The following GRIK1 variants were observed in gnomAD, a reference collection of about 807,000 sequenced individuals.
GRIK1 encodes the protein glutamate receptor ionotropic, kainate 1.
Under a neutral mutation model 105.7 loss-of-function variants are expected in GRIK1, and 69 were observed. The observed-to-expected ratio is 0.65, with a 90% CI of 0.54 to 0.80. The LOEUF (loss-of-function observed/expected upper bound fraction) is 0.80, where lower values mean the gene tolerates loss of function less well. GRIK1 is among the 30% of genes least tolerant of loss of function. GRIK1 has a pLI of 0.00. For synonymous variants in GRIK1, 438 were observed against 431.3 expected (o/e 1.02, Z -0.19); for missense variants, 1,109 against 1,167.3 (o/e 0.95, Z 0.73).
At chr21:29,712,293 T>A (rs1213186461) in intron 1 of GRIK1, among the ~76,000 whole-genome samples, 1 of 152,132 alleles carries the variant, frequency 6.6e-6, no homozygotes, top group African/African-American at 2.4e-5. Context: ...TGCCAGACAT[T>A]ATATTCATTT....
At chr21:29,873,950 G>T (rs568368540) in intron 1 of GRIK1, among the ~76,000 whole-genome samples, 1 of 152,122 alleles carries the variant, frequency 6.6e-6, no homozygotes, top group South Asian at 2.1e-4. Context: ...TTAGATTCTC[G>T]TGAGGGGCGC....
At chr21:29,859,368 G>A (rs533774179) in intron 1 of GRIK1, among the ~76,000 whole-genome samples, 2,573 of 149,784 alleles carry the variant, frequency 0.017, 33 homozygotes, top group Middle Eastern at 0.072. Context: ...TAATAAAAAA[G>A]TATATATATA....
intron 7 of GRIK1, among the ~76,000 whole-genome samples, chr21:29,634,982 G>A (rs1297444648): frequency 1.3e-5 from 2 of 152,188 alleles, no homozygotes; most frequent in African/African-American, 2.4e-5. Flanking sequence ...AGTTACAAAA[G>A]GGCTGAGATT....
rs561667135 is a variant in GRIK1 at position 29,671,316 on chromosome 21, G to T, written c.726+1667C>A. ...TTTTTTGTATTTTTAGTAGAGACAG[G>T]GTTTCACCATGTTGGCCAGGCTGGT... is the stretch of plus-strand genomic sequence containing the variant. On this transcript the variant is annotated intron_variant, in intron 4 of 17. Coordinates refer to ENST00000327783, the MANE Select transcript of GRIK1 (RefSeq NM_001330994.2). Among the ~76,000 whole-genome samples the T allele has an allele frequency of 2.6e-5, 4 of 151,940 alleles. No homozygotes were observed. In the South Asian group the frequency reaches 6.3e-4, roughly 24 times the overall value.
chr21:29,572,552 G>T (rs1601150792), intron 14 of GRIK1, among the ~76,000 whole-genome samples: 2 of 151,946 alleles, frequency 1.3e-5, no homozygotes, highest in South Asian at 4.2e-4. Flanking sequence ...CTACTATACG[G>T]CTGGGCACTC....
At chr21:29,892,259 T>A (rs969120948) in intron 1 of GRIK1, among the ~76,000 whole-genome samples, 13 of 152,090 alleles carry the variant, frequency 8.5e-5, no homozygotes, top group African/African-American at 2.9e-4. Context: ...CCAGAGGAAG[T>A]GACTTTGAGT....
chr21:29,594,418 G>A (rs1201228878), intron 9 of GRIK1, among the ~76,000 whole-genome samples: 2 of 152,186 alleles, frequency 1.3e-5, no homozygotes, highest in Non-Finnish European at 2.9e-5. Context: ...ACTAGGAGGA[G>A]TGCCTCCAGG....
chr21:29,786,252 GTT>G (rs1157436725), intron 1 of GRIK1, among the ~76,000 whole-genome samples: 2 of 152,200 alleles, frequency 1.3e-5, no homozygotes, highest in East Asian at 3.9e-4. Flanking sequence ...CTCCCAAAGT[GTT>G]GGGAATACCC....
At chr21:29,866,417 C>G (rs1041368591) in intron 1 of GRIK1, among the ~76,000 whole-genome samples, 2 of 151,896 alleles carry the variant, frequency 1.3e-5, no homozygotes, top group Non-Finnish European at 2.9e-5. Flanking sequence ...TTAAAGGAAG[C>G]ACATGAAACT....
chr21:29,839,175 A>G (rs1217518892), intron 1 of GRIK1, among the ~76,000 whole-genome samples: 1 of 151,948 alleles, frequency 6.6e-6, no homozygotes, highest in Non-Finnish European at 1.5e-5. Context: ...TCAGCCTTCC[A>G]TGTAGCTGGG....
chr21:29,914,182 A>G (rs1490722247), intron 1 of GRIK1, among the ~76,000 whole-genome samples: 1 of 152,066 alleles, frequency 6.6e-6, no homozygotes, highest in Admixed American at 6.6e-5. Flanking sequence ...ACAATAAAAA[A>G]TGCCACCACA....
chr21:29,817,215 A>T (rs2067177977), intron 1 of GRIK1, among the ~76,000 whole-genome samples: 1 of 152,152 alleles, frequency 6.6e-6, no homozygotes, highest in African/African-American at 2.4e-5. Flanking sequence ...GCATCAAAAG[A>T]GTAATAACTG....
intron 1 of GRIK1, among the ~76,000 whole-genome samples, chr21:29,730,062 C>T (rs1240726227): frequency 6.6e-6 from 1 of 152,162 alleles, no homozygotes. Flanking sequence ...TAAATGTGGT[C>T]CCCTTTTCCA....
rs2063937804 is a variant in GRIK1, at chr21:29,707,446, C to CCTTCCTTCCTTCCTTCCTTCCTTCCTT, written c.119-13384_119-13383insAAGGAAGGAAGGAAGGAAGGAAGGAAG. 2.1e-3 allele frequency among the ~76,000 whole-genome samples: 39 copies of CCTTCCTTCCTTCCTTCCTTCCTTCCTT among 18,642 alleles called. 5 individuals are homozygous for CCTTCCTTCCTTCCTTCCTTCCTTCCTT. The South Asian group carries it at 0.056, about 27-fold the overall frequency. The allele number at this position is 18,642 out of a possible 152,430, so 12.2% of individuals were successfully genotyped here. A position where few individuals can be genotyped will look rare whatever the true frequency, so the allele number is the denominator to read the frequency against. On this transcript the variant is annotated intron_variant, in intron 1 of 17. Transcript: ENST00000327783. ...TCTTTCCCTTCCTCCCTCCCTCCCT[C>CCTTCCTTCCTTCCTTCCTTCCTTCCTT]CCTCCCTCCCTCCCTCCCTCCCTCC... is the stretch of plus-strand genomic sequence containing the variant.
chr21:29,859,903 C>T lies in GRIK1; in HGVS notation c.118+79480G>A, dbSNP rs145705277. ...CTTATGTAATGTGGAAATAATGATA[C>T]GTAACTCATGGTTTATAGGCAGAAG... On this transcript the variant is annotated intron_variant, in intron 1 of 17. Coordinates refer to ENST00000327783, the MANE Select transcript of GRIK1 (RefSeq NM_001330994.2). Among the ~76,000 whole-genome samples the T allele has an allele frequency of 2.5e-3, 382 of 152,242 alleles. 1 individual carries two copies. The highest frequency in any genetic ancestry group is 4.0e-3 in the Admixed American group (61 of 15,292).
intron 16 of GRIK1, chr21:29,553,725 G>GA (rs770975538): frequency 6.8e-6 from 10 of 1,465,264 alleles, no homozygotes; most frequent in South Asian, 2.8e-5. Context: ...AAAGAAATGA[G>GA]AAAAAAATAT....
chr21:29,894,378 T>C (rs918273940), intron 1 of GRIK1, among the ~76,000 whole-genome samples: 1 of 151,216 alleles, frequency 6.6e-6, no homozygotes, highest in African/African-American at 2.4e-5. Context: ...AGTCCAAGAG[T>C]CCAAAAGCTG....
chr21:29,581,224 TTAGATATA>T (rs1487710121), intron 13 of GRIK1, among the ~76,000 whole-genome samples, 193 bp downstream of exon 13: 2 of 152,172 alleles, frequency 1.3e-5, no homozygotes, highest in African/African-American at 4.8e-5. Context: ...AAGTGCTATT[TTAGATATA>T]TAGCAAGGGA....
intron 16 of GRIK1, 61 bp from the exon 17 acceptor site, chr21:29,537,945 G>A: frequency 1.3e-6 from 1 of 784,128 alleles, no homozygotes; most frequent in Non-Finnish European, 2.1e-6. Context: ...AAAAAACAGA[G>A]ATTCTGGCAG....
Sources: gnomAD v4.1 joint callset for allele counts (sites outside exome capture counted in the v4.1 genomes callset) on GRCh38, gnomAD v4.1.1 for gene constraint, MANE v1.5 for transcripts, NCBI Gene and HGNC (gene_info 2026-07-23, HGNC 2026-07-21) for gene names.